SLC10A2: variants seen among roughly 807,000 people sequenced by gnomAD.
The protein encoded by SLC10A2 is solute carrier family 10 member 2, also known as ileal sodium/bile acid cotransporter.
A neutral mutation model predicts 27.1 loss-of-function variants in SLC10A2; 34 were observed. That is an observed-to-expected ratio of 1.26 (90% confidence interval 0.96 to 1.67). The LOEUF is 1.67. Among genes scored for constraint, SLC10A2 ranks in the 40% most tolerant of loss-of-function variants. The pLI is 0.00. For missense variants in SLC10A2, 530 were observed against 444.4 expected (o/e 1.19, Z -1.73); for synonymous variants, 205 against 174.0 (o/e 1.18, Z -1.40).
At position 103,045,509 on chromosome 13, in the gene SLC10A2, GT is replaced by G. The variant is rs1356761885; in HGVS notation, c.*623del. The G allele has an allele frequency of 1.3e-5, 2 of 152,596 alleles. No homozygotes were observed. Among genetic ancestry groups the G allele is most frequent in the African/African-American group, 4.8e-5 (2 of 41,450 alleles). The allele number at this position is 152,596 out of a possible 1,614,324, so 9.5% of individuals were successfully genotyped here. On this transcript the variant is annotated 3_prime_UTR_variant, in exon 6 of 6. Coordinates refer to ENST00000245312, the MANE Select transcript of SLC10A2 (RefSeq NM_000452.3). ...CAATATGGTTATTGAATTCTATTTT[GT>G]AATAATTTCCTCTCATTTCTGCTTT...
In SLC10A2 at chr13:103,058,265, T is replaced by A. The variant is rs188025424; in HGVS notation, c.495A>T (p.Ile165=). Residue 165 remains isoleucine (I), a splice_region_variant and synonymous_variant, in exon 2 of 6, where the codon ATA becomes ATT. Coordinates refer to ENST00000245312, the MANE Select transcript of SLC10A2 (RefSeq NM_000452.3). ...CAGTCTTACAGATGGATGACTTACCTATGTTATCATAGGGAATTACGATGC... is the reference window on the plus strand; with the variant it reads ...CAGTCTTACAGATGGATGACTTACCAATGTTATCATAGGGAATTACGATGC... ...SGSIVIPYDN[I]GTSLVSLVVP... 41 of 1,537,284 alleles carry A rather than the reference T, an allele frequency of 2.7e-5. No individual in the cohort carries two copies. Among genetic ancestry groups the A allele is most frequent in the Admixed American group, 1.2e-4 (7 of 59,926 alleles).
chr13:103,059,378 C>A (rs189677363), intron 1 of SLC10A2, among the ~76,000 whole-genome samples: 2 of 152,106 alleles, frequency 1.3e-5, no homozygotes, highest in South Asian at 2.1e-4. Flanking sequence ...GCAGAGTAGA[C>A]AAACAACCTC....
intron 5 of SLC10A2, 128 bp from the exon 6 acceptor site, chr13:103,046,388 A>G (rs1454523845): frequency 3.9e-6 from 3 of 773,702 alleles, no homozygotes; most frequent in African/African-American, 3.5e-5. Flanking sequence ...GGCTGCTTAG[A>G]GAAAGAAATC....
At chr13:103,046,564 A>T (rs535852668) in intron 5 of SLC10A2, among the ~76,000 whole-genome samples, 1 of 152,328 alleles carries the variant, frequency 6.6e-6, no homozygotes, top group Admixed American at 6.5e-5. Context: ...GGGAGGATTT[A>T]TTCTGTACCG....
intron 2 of SLC10A2, among the ~76,000 whole-genome samples, chr13:103,056,657 G>A (rs1322505329): frequency 6.6e-6 from 1 of 152,002 alleles, no homozygotes; most frequent in African/African-American, 2.4e-5. Flanking sequence ...TTAGCTCTAT[G>A]GAAGGCGTCC....
chr13:103,049,206 G>A (rs773861168), intron 5 of SLC10A2, 83 bp downstream of exon 5: 7 of 1,412,260 alleles, frequency 5.0e-6, no homozygotes, highest in African/African-American at 1.4e-5. Flanking sequence ...CACCAGGAAC[G>A]GGGAGTTTTA....
Position 103,057,692 on chromosome 13 carries a change from A to G in SLC10A2, c.496+572T>C, listed in dbSNP as rs186248319. ...TCAGGAGTTTGAGACCAGCCTGACC[A>G]ACATGGAGAAACCCCGTCCCTATTA... On this transcript the variant is annotated intron_variant, in intron 2 of 5. Coordinates refer to ENST00000245312, the MANE Select transcript of SLC10A2 (RefSeq NM_000452.3). Among the ~76,000 whole-genome samples the G allele has an allele frequency of 6.6e-5, 10 of 152,198 alleles. 1 individual carries two copies. Among genetic ancestry groups the G allele is most frequent in the Admixed American group, 2.6e-4 (4 of 15,296 alleles).
intron 3 of SLC10A2, among the ~76,000 whole-genome samples, chr13:103,051,800 T>C (rs868420270): frequency 2.4e-4 from 37 of 152,358 alleles, no homozygotes; most frequent in African/African-American, 7.9e-4. Context: ...TCAGGAACTT[T>C]CTGAACTGTA....
rs148415870 is a variant in SLC10A2 at position 103,051,419 on chromosome 13, G to A, written c.599C>T (p.Ala200Val). ...AKIILKIGSI[A>V]GAILIVLIAV... is the part of the protein sequence containing the mutation. ...TATGAGCACAATGAGGATGGCGCCC[G>A]CGATGGACCCAATCTGAAAAAAAAA... The change falls in exon 4 of 6, where the codon GCG (alanine) becomes GTG (valine). Residue 200 changes from alanine to valine, a missense_variant. Coordinates refer to ENST00000245312, the MANE Select transcript of SLC10A2 (RefSeq NM_000452.3). The A allele has an allele frequency of 3.2e-5, 52 of 1,613,748 alleles. No homozygotes were observed. The highest frequency in any genetic ancestry group is 1.6e-4 in the Middle Eastern group (1 of 6,080).
chr13:103,046,683 C>T (rs186251446), intron 5 of SLC10A2, among the ~76,000 whole-genome samples: 108 of 152,354 alleles, frequency 7.1e-4, no homozygotes, highest in Admixed American at 1.5e-3. Context: ...ACTAGAACAA[C>T]GTTCCCATTC....
At chr13:103,053,629 A>G (rs1016253005) in intron 2 of SLC10A2, among the ~76,000 whole-genome samples, 2 of 152,174 alleles carry the variant, frequency 1.3e-5, no homozygotes, top group Non-Finnish European at 2.9e-5. Context: ...TGAAATTCTG[A>G]GAGTGGATGT....
intron 5 of SLC10A2, among the ~76,000 whole-genome samples, chr13:103,048,757 C>T (rs530296504): frequency 6.6e-6 from 1 of 152,102 alleles, no homozygotes; most frequent in African/African-American, 2.4e-5. Context: ...ACACCTAGTA[C>T]TTTACATAAG....
chr13:103,059,488 A>G (rs746877658), intron 1 of SLC10A2, among the ~76,000 whole-genome samples: 1 of 152,202 alleles, frequency 6.6e-6, no homozygotes, highest in Non-Finnish European at 1.5e-5. Context: ...ACAGTAATAT[A>G]CATGTGCCTA....
In SLC10A2 at chr13:103,051,406, G is replaced by A. The variant is rs755182948; in HGVS notation, c.612C>T (p.Leu204=). 6.2e-7 allele frequency: 1 copy of A among 1,614,004 alleles called. No homozygotes were observed. ...CTCCAACCACAGCTATGAGCACAAT[G>A]AGGATGGCGCCCGCGATGGACCCAA... The part of the protein sequence containing the change: ...LKIGSIAGAI[L]IVLIAVVGGI... Residue 204 remains leucine (L), a synonymous_variant, in exon 4 of 6, where the codon CTC becomes CTT. Coordinates refer to ENST00000245312, the MANE Select transcript of SLC10A2 (RefSeq NM_000452.3).
Position 103,046,009 on chromosome 13 carries a change from T to C in SLC10A2, c.*124A>G. 8.6e-7 allele frequency: 1 copy of C among 1,157,528 alleles called. No homozygotes were observed. Among genetic ancestry groups the C allele is most frequent in the South Asian group, 1.3e-5 (1 of 74,826 alleles). The allele number at this position is 1,157,528 out of a possible 1,614,324, so 71.7% of individuals were successfully genotyped here. Reference sequence around the variant, plus strand: ...TTGGTACTGAAACCAATACATGAATTCCAATGAAATTCCAATTTTCACTTT... The same window carrying C: ...TTGGTACTGAAACCAATACATGAATCCCAATGAAATTCCAATTTTCACTTT... On this transcript the variant is annotated 3_prime_UTR_variant, in exon 6 of 6. Transcript: ENST00000245312.
At chr13:103,050,842 T>C (rs1444472661) in intron 4 of SLC10A2, among the ~76,000 whole-genome samples, 3 of 152,148 alleles carry the variant, frequency 2.0e-5, no homozygotes, top group Non-Finnish European at 4.4e-5. Context: ...CCCAAATTCA[T>C]ATGTTGAAGT....
intron 3 of SLC10A2, 148 bp from the exon 4 acceptor site, chr13:103,051,580 T>C: frequency 1.2e-6 from 1 of 826,972 alleles, no homozygotes. Flanking sequence ...GCCAGGAGGC[T>C]GCAATCAGCC....
At chr13:103,057,328 A>G (rs1483218012) in intron 2 of SLC10A2, among the ~76,000 whole-genome samples, 1 of 152,190 alleles carries the variant, frequency 6.6e-6, no homozygotes, top group African/African-American at 2.4e-5. Flanking sequence ...CCTAAGTTAC[A>G]ACAATAACTT....
At chr13:103,049,757 G>T (rs1222329731) in intron 4 of SLC10A2, among the ~76,000 whole-genome samples, 1 of 152,144 alleles carries the variant, frequency 6.6e-6, no homozygotes, top group Non-Finnish European at 1.5e-5. Flanking sequence ...TTTCAATTAT[G>T]ATTTTGGTAA....
Sources: gnomAD v4.1 joint callset for allele counts (sites outside exome capture counted in the v4.1 genomes callset) on GRCh38, gnomAD v4.1.1 for gene constraint, MANE v1.5 for transcripts, NCBI Gene and HGNC (gene_info 2026-07-23, HGNC 2026-07-21) for gene names.